MAP3K4: variants seen among roughly 807,000 people sequenced by gnomAD.
MAP3K4 encodes mitogen-activated protein kinase kinase kinase 4.
In MAP3K4, 67 loss-of-function variants were observed where a neutral mutation model predicts 185.6. That is an observed-to-expected ratio of 0.36 (90% CI 0.30 to 0.44). The LOEUF (loss-of-function observed/expected upper bound fraction) is 0.44, where lower values mean the gene tolerates loss of function less well. Ranked by LOEUF, MAP3K4 falls within the 20% of genes least tolerant of loss-of-function variation. The pLI is 1.00. For missense variants in MAP3K4, 1,551 were observed against 1,995.1 expected, an observed-to-expected ratio of 0.78 and a Z score of 4.24; for synonymous variants, 702 against 710.4, an observed-to-expected ratio of 0.99 and a Z score of 0.19.
chr6:161,012,954 C>T (rs956992395), intron 1 of MAP3K4, among the ~76,000 whole-genome samples: 3 of 152,112 alleles, frequency 2.0e-5, no homozygotes, highest in African/African-American at 7.2e-5. Flanking sequence ...GAAGTTACTA[C>T]CAGTTTCTTC....
At position 161,022,792 on chromosome 6, in the gene MAP3K4, C is replaced by T. The variant is rs1436521018; in HGVS notation, c.153-11467C>T. Among the ~76,000 whole-genome samples the T allele has an allele frequency of 6.6e-6, 1 of 152,142 alleles. No homozygotes were observed. Among genetic ancestry groups the T allele is most frequent in the African/African-American group, 2.4e-5 (1 of 41,416 alleles). ...CCCATCATCAATAAGAATTGACCTC[C>T]TGTGCAAAGGATCCTTCCCTAAAAT... is the stretch of plus-strand genomic sequence containing the variant. On this transcript the variant is annotated intron_variant, in intron 1 of 26. Transcript: ENST00000392142. The surrounding 1 kb of genome is among the most constrained non-coding windows in gnomAD (Gnocchi z 4.2).
Position 161,080,468 on chromosome 6 carries a change from T to C in MAP3K4, c.2098-413T>C, listed in dbSNP as rs1785398205. 6.6e-6 allele frequency among the ~76,000 whole-genome samples: 1 copy of C among 152,068 alleles called. No homozygotes were observed. The highest frequency in any genetic ancestry group is 2.4e-5 in the African/African-American group (1 of 41,400). On this transcript the variant is annotated intron_variant, in intron 5 of 26. Coordinates refer to ENST00000392142, the MANE Select transcript of MAP3K4 (RefSeq NM_005922.4). This position sits in a 1 kb window ranked among gnomAD's most constrained non-coding sequence, Gnocchi z 4.8. The stretch of plus-strand genomic sequence containing the variant: ...GGTGGTGCGAAGAAGGGTGTTGACG[T>C]CCTCCTCTCTGCACATAAGGCACCA...
intron 6 of MAP3K4, 72 bp downstream of exon 6, chr6:161,081,110 C>G: frequency 1.3e-6 from 2 of 1,490,594 alleles, no homozygotes; most frequent in South Asian, 1.2e-5. Flanking sequence ...CACTGATTCT[C>G]TCCTATGTGT....
At chr6:161,105,824 T>G (rs1033120745) in intron 19 of MAP3K4, among the ~76,000 whole-genome samples, 2 of 117,078 alleles carry the variant, frequency 1.7e-5, no homozygotes, top group African/African-American at 6.1e-5. Flanking sequence ...ATGAACTAAG[T>G]TTTTTGGTTT....
chr6:161,108,884 T>G lies in MAP3K4; in HGVS notation c.4236+25T>G, dbSNP rs368278324. ...AGTAAGCCGACCCTAATGCCACTCT[T>G]TGTGTGAGGAATCAGTGAGGGCACA... On this transcript the variant is annotated intron_variant, in intron 22 of 26. Transcript: ENST00000392142. This position sits in a 1 kb window ranked among gnomAD's most constrained non-coding sequence, Gnocchi z 5.7. 8.8e-6 allele frequency: 14 copies of G among 1,597,276 alleles called. No homozygotes were observed. The highest frequency in any genetic ancestry group is 1.3e-5 in the African/African-American group (1 of 74,540).
At position 161,100,004 on chromosome 6, in the gene MAP3K4, G is replaced by A. The variant is rs1019359073; in HGVS notation, c.3674+1577G>A. Reference sequence around the variant, plus strand: ...AGAAATTTTAATAGTATCATAGCATGGTATCTTGAAGGACATTTTTTACTC... The same window carrying A: ...AGAAATTTTAATAGTATCATAGCATAGTATCTTGAAGGACATTTTTTACTC... On this transcript the variant is annotated intron_variant, in intron 17 of 26. Coordinates refer to ENST00000392142, the MANE Select transcript of MAP3K4 (RefSeq NM_005922.4). The surrounding 1 kb of genome is among the most constrained non-coding windows in gnomAD (Gnocchi z 5.8). 6.6e-6 allele frequency among the ~76,000 whole-genome samples: 1 copy of A among 152,168 alleles called. No individual in the cohort carries two copies. Among genetic ancestry groups the A allele is most frequent in the African/African-American group, 2.4e-5 (1 of 41,438 alleles).
intron 2 of MAP3K4, among the ~76,000 whole-genome samples, chr6:161,038,992 CT>C (rs1406010278): frequency 6.6e-6 from 1 of 152,184 alleles, no homozygotes; most frequent in Non-Finnish European, 1.5e-5. Context: ...CGGCAGCTGT[CT>C]TTCCTCAGAG....
At chr6:161,013,756 A>T in intron 1 of MAP3K4, among the ~76,000 whole-genome samples, 1 of 152,226 alleles carries the variant, frequency 6.6e-6, no homozygotes, top group South Asian at 2.1e-4. Context: ...TTCTGCAGTC[A>T]TATTTATACC....
intron 1 of MAP3K4, among the ~76,000 whole-genome samples, chr6:161,033,909 G>A (rs1783040889): frequency 6.6e-6 from 1 of 152,220 alleles, no homozygotes; most frequent in Non-Finnish European, 1.5e-5. Flanking sequence ...TGTCTGATTT[G>A]TATCTTCTAG....
chr6:161,098,002 A>C lies in MAP3K4; in HGVS notation c.3525-276A>C, dbSNP rs535871614. On this transcript the variant is annotated intron_variant, in intron 16 of 26. Transcript: ENST00000392142. The surrounding 1 kb of genome is among the most constrained non-coding windows in gnomAD (Gnocchi z 4.4). ...TCAGGAGGCTGAGGCAAGGAGGATCACTTGAGCCCAGGAGGTCAAGGCTGC... is the reference window on the plus strand; with the variant it reads ...TCAGGAGGCTGAGGCAAGGAGGATCCCTTGAGCCCAGGAGGTCAAGGCTGC... Among the ~76,000 whole-genome samples, 4 of 152,192 alleles carry C rather than the reference A, an allele frequency of 2.6e-5. No individual in the cohort carries two copies. The highest frequency in any genetic ancestry group is 1.9e-4 in the East Asian group (1 of 5,152).
At position 161,043,930 on chromosome 6, in the gene MAP3K4, A is replaced by G. The variant is rs1233320041; in HGVS notation, c.344-4686A>G. Among the ~76,000 whole-genome samples the G allele has an allele frequency of 6.6e-6, 1 of 152,242 alleles. No individual in the cohort carries two copies. Among genetic ancestry groups the G allele is most frequent in the Non-Finnish European group, 1.5e-5 (1 of 68,048 alleles). On this transcript the variant is annotated intron_variant, in intron 2 of 26. Coordinates refer to ENST00000392142, the MANE Select transcript of MAP3K4 (RefSeq NM_005922.4). The surrounding 1 kb of genome is among the most constrained non-coding windows in gnomAD (Gnocchi z 4.3). ...TATATGGGAGAACATAAAAATTGCA[A>G]GAGTTTGATTAAAAATACAATTAAT...
chr6:161,106,486 A>G lies in MAP3K4; in HGVS notation c.3857-28A>G. 5 of 1,543,184 alleles carry G rather than the reference A, an allele frequency of 3.2e-6. No homozygotes were observed. The highest frequency in any genetic ancestry group is 4.4e-6 in the Non-Finnish European group (5 of 1,135,372). ...AACTGACTTGATAACAGTGATTGGGACTAATGAGGTTTTGGTTCTCTCTGC... is the reference window on the plus strand; with the variant it reads ...AACTGACTTGATAACAGTGATTGGGGCTAATGAGGTTTTGGTTCTCTCTGC... On this transcript the variant is annotated intron_variant, in intron 19 of 26. Transcript: ENST00000392142. This position sits in a 1 kb window ranked among gnomAD's most constrained non-coding sequence, Gnocchi z 4.9.
In MAP3K4 at chr6:161,106,200, CAA is replaced by C. The variant is rs768199312; in HGVS notation, c.3857-313_3857-312del. Among the ~76,000 whole-genome samples the C allele has an allele frequency of 3.9e-5, 6 of 152,066 alleles. No individual in the cohort carries two copies. Among genetic ancestry groups the C allele is most frequent in the East Asian group, 3.9e-4 (2 of 5,158 alleles). On this transcript the variant is annotated intron_variant, in intron 19 of 26. Coordinates refer to ENST00000392142, the MANE Select transcript of MAP3K4 (RefSeq NM_005922.4). This position sits in a 1 kb window ranked among gnomAD's most constrained non-coding sequence, Gnocchi z 4.9. ...TTTTATGTTTTAATAATATGGCAAA[CAA>C]GAGTGTGGAATGGAGAGAGGAGAAA... is the stretch of plus-strand genomic sequence containing the variant.
At chr6:161,010,548 T>C (rs551902788) in intron 1 of MAP3K4, among the ~76,000 whole-genome samples, 1 of 152,374 alleles carries the variant, frequency 6.6e-6, no homozygotes, top group Admixed American at 6.5e-5. Flanking sequence ...AAATTTTGTT[T>C]TCCTACTTAG....
At chr6:161,018,397 A>G (rs1782213789) in intron 1 of MAP3K4, among the ~76,000 whole-genome samples, 1 of 152,194 alleles carries the variant, frequency 6.6e-6, no homozygotes, top group South Asian at 2.1e-4. Flanking sequence ...CTTGAGTACC[A>G]GTTGGTTGAA....
chr6:161,104,369 G>GC (rs1044907870), intron 19 of MAP3K4, among the ~76,000 whole-genome samples: 6 of 146,198 alleles, frequency 4.1e-5, no homozygotes, highest in Non-Finnish European at 8.9e-5. Flanking sequence ...GGCTGAGATC[G>GC]CGCCATCACA....
At position 161,037,551 on chromosome 6, in the gene MAP3K4, T is replaced by C. The variant is rs1035147313; in HGVS notation, c.343+3102T>C. On this transcript the variant is annotated intron_variant, in intron 2 of 26. Transcript: ENST00000392142. The surrounding 1 kb of genome is among the most constrained non-coding windows in gnomAD (Gnocchi z 4.2). Reference sequence around the variant, plus strand: ...CTCCTGCCTCACCCTCCCGAGTAGCTAGGACTACAGGCATGCGCCACCATG... The same window carrying C: ...CTCCTGCCTCACCCTCCCGAGTAGCCAGGACTACAGGCATGCGCCACCATG... Among the ~76,000 whole-genome samples the C allele has an allele frequency of 1.3e-5, 2 of 152,176 alleles. No individual in the cohort carries two copies. Among genetic ancestry groups the C allele is most frequent in the African/African-American group, 2.4e-5 (1 of 41,450 alleles).
rs554477403 is a variant in MAP3K4, at chr6:161,082,919, A to G, written c.2256-1582A>G. The stretch of plus-strand genomic sequence containing the variant: ...GACCATTGTCTTCTCTCAATTTCCC[A>G]GTGGCTCCCCATCTTACTCAGGAAA... On this transcript the variant is annotated intron_variant, in intron 6 of 26. Transcript: ENST00000392142. This position sits in a 1 kb window ranked among gnomAD's most constrained non-coding sequence, Gnocchi z 4.2. 1.8e-4 allele frequency among the ~76,000 whole-genome samples: 28 copies of G among 152,320 alleles called. No individual in the cohort carries two copies. The highest frequency in any genetic ancestry group is 1.1e-3 in the Admixed American group (17 of 15,298).
intron 1 of MAP3K4, among the ~76,000 whole-genome samples, chr6:161,025,924 T>C (rs1367911301): frequency 1.3e-5 from 2 of 152,242 alleles, no homozygotes; most frequent in African/African-American, 4.8e-5. Flanking sequence ...TGGTTCTCTT[T>C]AGTTAAGCCT....
Sources: allele counts gnomAD v4.1 joint callset (sites outside exome capture counted in the v4.1 genomes callset), GRCh38; gene constraint gnomAD v4.1.1; non-coding constraint Gnocchi (gnomAD v3.1); transcripts MANE v1.5; gene names NCBI Gene and HGNC (gene_info 2026-07-23, HGNC 2026-07-21).